Variants in HIPK2 observed in about 807,000 individuals in gnomAD.
HIPK2 encodes homeodomain interacting protein kinase 2, also known as homeodomain-interacting protein kinase 2.
HIPK2 carries 27 observed loss-of-function variants against 113.7 expected under a neutral mutation model. The ratio of observed to expected loss-of-function variants is 0.24; its 90% CI spans 0.17 to 0.33. The LOEUF (loss-of-function observed/expected upper bound fraction) is 0.33. HIPK2 is among the 10% of genes least tolerant of loss of function. The pLI is 1.00. For missense variants in HIPK2, 1,257 were observed against 1,588.0 expected (o/e 0.79, Z 3.54); for synonymous variants, 631 against 642.2 (o/e 0.98, Z 0.26).
chr7:139,562,132 A>G lies in HIPK2; in HGVS notation c.*10795T>C, dbSNP rs1405165292. 6.6e-6 allele frequency: 1 copy of G among 152,256 alleles called. No individual in the cohort carries two copies. Among genetic ancestry groups the G allele is most frequent in the East Asian group, 1.9e-4 (1 of 5,204 alleles). 9.4% of individuals were successfully genotyped at this position (152,256 alleles called of 1,614,324 possible). A position where few individuals can be genotyped will look rare whatever the true frequency, so the allele number is the denominator to read the frequency against. ...AAAACAAAAGTAGACATTTATAAATAAAAAAGAGGGACAATTCACATAGGA... is the reference window on the plus strand; with the variant it reads ...AAAACAAAAGTAGACATTTATAAATGAAAAAGAGGGACAATTCACATAGGA... On this transcript the variant is annotated 3_prime_UTR_variant, in exon 15 of 15. Coordinates refer to ENST00000406875, the MANE Select transcript of HIPK2 (RefSeq NM_022740.5).
At chr7:139,701,593 T>C (rs923724637) in intron 2 of HIPK2, among the ~76,000 whole-genome samples, 2 of 152,298 alleles carry the variant, frequency 1.3e-5, no homozygotes, top group African/African-American at 4.8e-5. Flanking sequence ...TGGCAGGCCA[T>C]TCGTGTTCAC....
chr7:139,750,464 AG>A (rs1796261033), intron 1 of HIPK2, among the ~76,000 whole-genome samples: 1 of 152,236 alleles, frequency 6.6e-6, no homozygotes, highest in Non-Finnish European at 1.5e-5. Context: ...ATAAATATAC[AG>A]ATATATTTAC....
chr7:139,772,044 G>A (rs1012134203), intron 1 of HIPK2, among the ~76,000 whole-genome samples: 2 of 152,196 alleles, frequency 1.3e-5, no homozygotes, highest in Non-Finnish European at 2.9e-5. Flanking sequence ...ACAATTTCAA[G>A]TCACAGACAT....
intron 2 of HIPK2, among the ~76,000 whole-genome samples, chr7:139,698,679 A>T (rs935891658): frequency 3.0e-3 from 455 of 152,342 alleles, no homozygotes; most frequent in African/African-American, 0.01. Context: ...TCATGAAAGG[A>T]TTGGGCGATT....
intron 14 of HIPK2, among the ~76,000 whole-genome samples, chr7:139,574,156 C>T (rs1798409694): frequency 6.6e-6 from 1 of 152,146 alleles, no homozygotes; most frequent in Non-Finnish European, 1.5e-5. Flanking sequence ...CAGTTGCTTT[C>T]TTACTCACTG....
intron 2 of HIPK2, among the ~76,000 whole-genome samples, chr7:139,667,409 AG>A (rs1802085749): frequency 6.6e-6 from 1 of 152,242 alleles, no homozygotes; most frequent in Non-Finnish European, 1.5e-5. Flanking sequence ...ATCAGGTAAA[AG>A]GATATAAAAA....
intron 2 of HIPK2, among the ~76,000 whole-genome samples, chr7:139,699,259 C>G (rs1794643775): frequency 1.3e-5 from 2 of 152,000 alleles, no homozygotes; most frequent in African/African-American, 4.8e-5. Flanking sequence ...TTCCTACTTG[C>G]TAGGAAAGGC....
intron 1 of HIPK2, among the ~76,000 whole-genome samples, chr7:139,765,667 C>T (rs1049224368): frequency 6.6e-6 from 1 of 152,100 alleles, no homozygotes; most frequent in African/African-American, 2.4e-5. Context: ...GTGATGATAC[C>T]CACTGAGATT....
intron 9 of HIPK2, among the ~76,000 whole-genome samples, chr7:139,608,252 C>CGTGTGTGTGTGTGTGT (rs55989071): frequency 7.4e-4 from 101 of 136,968 alleles, no homozygotes; most frequent in Admixed American, 9.9e-4. Flanking sequence ...CAAAAAAATA[C>CGTGTGTGTGTGTGTGT]GTGTGTGTGT....
At chr7:139,672,963 G>A (rs1405560353) in intron 2 of HIPK2, among the ~76,000 whole-genome samples, 1 of 152,074 alleles carries the variant, frequency 6.6e-6, no homozygotes, top group African/African-American at 2.4e-5. Context: ...AAAAAGTAAT[G>A]CGAGCTGGAA....
chr7:139,679,293 A>G (rs1802614871), intron 2 of HIPK2, among the ~76,000 whole-genome samples: 1 of 152,198 alleles, frequency 6.6e-6, no homozygotes, highest in Non-Finnish European at 1.5e-5. Flanking sequence ...AAACCCATTC[A>G]CCAGGGAGAA....
At chr7:139,754,069 G>A (rs896776076) in intron 1 of HIPK2, among the ~76,000 whole-genome samples, 1 of 152,174 alleles carries the variant, frequency 6.6e-6, no homozygotes, top group Non-Finnish European at 1.5e-5. Flanking sequence ...GCGGGGGCTC[G>A]AGGCCCCAGG....
At chr7:139,768,417 A>G (rs1476450432) in intron 1 of HIPK2, among the ~76,000 whole-genome samples, 1 of 152,172 alleles carries the variant, frequency 6.6e-6, no homozygotes, top group Non-Finnish European at 1.5e-5. Context: ...AAGAGATAAA[A>G]TGACTTTAAA....
intron 11 of HIPK2, among the ~76,000 whole-genome samples, chr7:139,600,062 T>C (rs188308207): frequency 6.6e-6 from 1 of 152,288 alleles, no homozygotes; most frequent in East Asian, 1.9e-4. Flanking sequence ...CCCTTACCCC[T>C]GATGCTTCCT....
At chr7:139,578,609 T>C (rs1236745443) in intron 13 of HIPK2, among the ~76,000 whole-genome samples, 2 of 152,264 alleles carry the variant, frequency 1.3e-5, no homozygotes, top group African/African-American at 4.8e-5. Context: ...TTTTTCTTCA[T>C]TAAGTTTCTG....
At chr7:139,607,995 T>C (rs973504569) in intron 9 of HIPK2, among the ~76,000 whole-genome samples, 3 of 152,122 alleles carry the variant, frequency 2.0e-5, no homozygotes, top group East Asian at 3.8e-4. Flanking sequence ...TCCCAGCACT[T>C]TGGGAGGCCA....
At chr7:139,738,300 C>T (rs937630701) in intron 1 of HIPK2, among the ~76,000 whole-genome samples, 7 of 152,266 alleles carry the variant, frequency 4.6e-5, no homozygotes, top group African/African-American at 1.7e-4. Flanking sequence ...TTGGGAAACA[C>T]ACGCTGAAGC....
rs1197640253 is a variant in HIPK2, at chr7:139,673,158, T to G, written c.1104-41433A>C. On this transcript the variant is annotated intron_variant, in intron 2 of 14. Coordinates refer to ENST00000406875, the MANE Select transcript of HIPK2 (RefSeq NM_022740.5). ...GGGAAGATGGCCACTAAATTGTATTTGAAACCAAAAGAAGTGACCCATCTG... is the reference window on the plus strand; with the variant it reads ...GGGAAGATGGCCACTAAATTGTATTGGAAACCAAAAGAAGTGACCCATCTG... Among the ~76,000 whole-genome samples, 5 of 151,668 alleles carry G rather than the reference T, an allele frequency of 3.3e-5. No individual in the cohort carries two copies. In the East Asian group the frequency reaches 9.7e-4, roughly 29 times the overall value.
intron 2 of HIPK2, among the ~76,000 whole-genome samples, chr7:139,703,165 G>A (rs1794762935): frequency 6.6e-6 from 1 of 152,100 alleles, no homozygotes; most frequent in Non-Finnish European, 1.5e-5. Context: ...AGGTCATTAG[G>A]GGTAAATAGA....
Sources: gnomAD v4.1 joint callset for allele counts (sites outside exome capture counted in the v4.1 genomes callset) on GRCh38, gnomAD v4.1.1 for gene constraint, MANE v1.5 for transcripts, NCBI Gene and HGNC (gene_info 2026-07-23, HGNC 2026-07-21) for gene names.